The following LRRFIP1 variants were observed in gnomAD, a reference collection of about 807,000 sequenced individuals.
LRRFIP1 encodes the protein leucine-rich repeat flightless-interacting protein 1.
A neutral mutation model predicts 104.4 loss-of-function variants in LRRFIP1; 62 were observed. The observed-to-expected ratio is 0.59, with a 90% CI of 0.48 to 0.73. The LOEUF is 0.73. Among genes scored for constraint, LRRFIP1 ranks in the 30% least tolerant of loss-of-function variants. The pLI, the probability that LRRFIP1 is intolerant of heterozygous loss-of-function variation, is 0.00. For synonymous variants in LRRFIP1, 300 were observed against 299.0 expected, an observed-to-expected ratio of 1.00 and a Z score of -0.03; for missense variants, 796 against 824.5, an observed-to-expected ratio of 0.97 and a Z score of 0.42.
intron 23 of LRRFIP1, among the ~76,000 whole-genome samples, chr2:237,776,608 T>A (rs1434889312): frequency 6.6e-6 from 1 of 152,234 alleles, no homozygotes; most frequent in Non-Finnish European, 1.5e-5. Context: ...ACTAGATGTT[T>A]AAAATTCTGA....
At chr2:237,662,816 T>C (rs2088284358) in intron 1 of LRRFIP1, among the ~76,000 whole-genome samples, 1 of 151,796 alleles carries the variant, frequency 6.6e-6, no homozygotes, top group African/African-American at 2.4e-5. Context: ...ACAGGCCCGG[T>C]GGGGAAAGCA....
At chr2:237,764,348 T>G (rs2060131852) in intron 19 of LRRFIP1, 1 of 1,480,362 alleles carries the variant, frequency 6.8e-7, no homozygotes, top group Admixed American at 2.5e-5. Flanking sequence ...AAAGACATAT[T>G]TGTTATCAGT....
At chr2:237,697,435 C>T (rs1298870227) in intron 1 of LRRFIP1, among the ~76,000 whole-genome samples, 1 of 152,206 alleles carries the variant, frequency 6.6e-6, no homozygotes, top group Non-Finnish European at 1.5e-5. Context: ...CTTATGTCGG[C>T]ATACACCTGA....
intron 8 of LRRFIP1, among the ~76,000 whole-genome samples, chr2:237,728,756 A>G (rs2094877941): frequency 6.6e-6 from 1 of 152,042 alleles, no homozygotes; most frequent in Non-Finnish European, 1.5e-5. Context: ...ATGTTATATT[A>G]AGATATCATG....
chr2:237,692,657 G>A (rs1296399484), intron 1 of LRRFIP1: 2 of 1,216,786 alleles, frequency 1.6e-6, no homozygotes, highest in African/African-American at 1.6e-5. Context: ...CCCCAGCGCG[G>A]TGGGAGCGGG....
At chr2:237,676,187 A>G (rs1006430504) in intron 1 of LRRFIP1, among the ~76,000 whole-genome samples, 34 of 152,214 alleles carry the variant, frequency 2.2e-4, no homozygotes, top group African/African-American at 7.0e-4. Flanking sequence ...GGCAACTCCC[A>G]TGCAACTTTC....
chr2:237,643,923 T>C (rs7587690), intron 1 of LRRFIP1, among the ~76,000 whole-genome samples: 3,762 of 152,330 alleles, frequency 0.025, 156 homozygotes, highest in African/African-American at 0.084. Flanking sequence ...AATGTTCTTT[T>C]TGATTCCCCT....
At chr2:237,645,929 A>C (rs2084839584) in intron 1 of LRRFIP1, among the ~76,000 whole-genome samples, 1 of 151,936 alleles carries the variant, frequency 6.6e-6, no homozygotes, top group Non-Finnish European at 1.5e-5. Context: ...ACTGGTCCCT[A>C]AGCTCTGGCC....
Position 237,735,204 on chromosome 2 carries a change from G to A in LRRFIP1, c.490-64G>A. On this transcript the variant is annotated intron_variant, in intron 9 of 23. Transcript: ENST00000308482. The surrounding 1 kb of genome is among the most constrained non-coding windows in gnomAD (Gnocchi z 4.6). The stretch of plus-strand genomic sequence containing the variant: ...CAGTTTTTCACAGCTCACGTTTTCA[G>A]CACTTTCTGGGCACTCTTGGAGAAA... The A allele has an allele frequency of 1.4e-6, 2 of 1,406,806 alleles. No homozygotes were observed. Among genetic ancestry groups the A allele is most frequent in the Non-Finnish European group, 2.0e-6 (2 of 1,010,718 alleles). 87.1% of individuals were successfully genotyped at this position (1,406,806 alleles called of 1,614,324 possible). A position where few individuals can be genotyped will look rare whatever the true frequency, so the allele number is the denominator to read the frequency against.
rs760224072 is a variant in LRRFIP1 at position 237,769,898 on chromosome 2, C to G, written c.1460-45C>G. The G allele has an allele frequency of 6.2e-6, 9 of 1,445,654 alleles. No individual in the cohort carries two copies. In the East Asian group the frequency reaches 2.1e-4, roughly 34 times the overall value. The allele number at this position is 1,445,654 out of a possible 1,614,324, so 89.6% of individuals were successfully genotyped here. A position where few individuals can be genotyped will look rare whatever the true frequency, so the allele number is the denominator to read the frequency against. On this transcript the variant is annotated intron_variant, in intron 19 of 23. Transcript: ENST00000308482. ...CAGTTTAGCAATGTGCTGAAAGGCG[C>G]GGCACGCGGATTCACCTAAACCTGT...
chr2:237,736,481 C>G (rs2095251057), intron 10 of LRRFIP1, among the ~76,000 whole-genome samples: 2 of 152,166 alleles, frequency 1.3e-5, no homozygotes, highest in South Asian at 4.1e-4. Context: ...AATACTAATT[C>G]AAGAGAAATT....
chr2:237,734,926 A>G (rs766102255), intron 9 of LRRFIP1, among the ~76,000 whole-genome samples: 2 of 152,250 alleles, frequency 1.3e-5, no homozygotes, highest in Non-Finnish European at 2.9e-5. Flanking sequence ...TGAGAATGCC[A>G]TGACAAAATT....
At chr2:237,704,924 T>C (rs2093729093) in intron 1 of LRRFIP1, among the ~76,000 whole-genome samples, 1 of 152,128 alleles carries the variant, frequency 6.6e-6, no homozygotes, top group Non-Finnish European at 1.5e-5. Flanking sequence ...CATTGTTTTT[T>C]AGTCTTTAAA....
At position 237,717,019 on chromosome 2, in the gene LRRFIP1, AT is replaced by A. The variant is rs571061359; in HGVS notation, c.202-731del. ...AAAACATTATGAAATTTTTTTTGCAATTTTTTTTTTTTAGCTTATCAGCTAT... is the reference window on the plus strand; with the variant it reads ...AAAACATTATGAAATTTTTTTTGCAATTTTTTTTTTTAGCTTATCAGCTAT... On this transcript the variant is annotated intron_variant, in intron 3 of 23. Coordinates refer to ENST00000308482, the MANE Select transcript of LRRFIP1 (RefSeq NM_001137550.2). This position sits in a 1 kb window ranked among gnomAD's most constrained non-coding sequence, Gnocchi z 4.2. Among the ~76,000 whole-genome samples the A allele has an allele frequency of 0.039, 5,773 of 147,230 alleles. 321 individuals are homozygous for A. The highest frequency in any genetic ancestry group is 0.13 in the African/African-American group (5,176 of 40,592).
intron 19 of LRRFIP1, 64 bp from the exon 20 acceptor site, chr2:237,769,879 A>T: frequency 8.8e-7 from 1 of 1,135,044 alleles, no homozygotes; most frequent in Non-Finnish European, 1.3e-6. Flanking sequence ...TCTTCAGTTT[A>T]GCAATGTGCT....
chr2:237,709,073 G>C (rs1369507334), intron 2 of LRRFIP1, among the ~76,000 whole-genome samples: 1 of 152,092 alleles, frequency 6.6e-6, no homozygotes, highest in Non-Finnish European at 1.5e-5. Context: ...CGGGCTCCAG[G>C]TTTCAGGATA....
At chr2:237,733,647 T>G in intron 8 of LRRFIP1, 127 bp from the exon 9 acceptor site, 1 of 867,780 alleles carries the variant, frequency 1.2e-6, no homozygotes, top group Non-Finnish European at 1.9e-6. Context: ...GATCGGTTTG[T>G]TTCTGTTTAA....
intron 1 of LRRFIP1, among the ~76,000 whole-genome samples, chr2:237,635,230 A>G (rs2082915060): frequency 6.6e-6 from 1 of 152,234 alleles, no homozygotes. Flanking sequence ...ATAGAGTTCT[A>G]GGTTAAAAAT....
chr2:237,756,246 C>A, intron 16 of LRRFIP1, 59 bp downstream of exon 16: 2 of 1,263,108 alleles, frequency 1.6e-6, no homozygotes, highest in South Asian at 1.2e-5. Flanking sequence ...TTTTGTCAGG[C>A]CATGACTATC....
Sources: allele counts gnomAD v4.1 joint callset (sites outside exome capture counted in the v4.1 genomes callset), GRCh38; gene constraint gnomAD v4.1.1; non-coding constraint Gnocchi (gnomAD v3.1); transcripts MANE v1.5; gene names NCBI Gene and HGNC (gene_info 2026-07-23, HGNC 2026-07-21).